Variants in ST8SIA2 observed in about 807,000 individuals in gnomAD.
ST8SIA2 encodes ST8 alpha-N-acetyl-neuraminide alpha-2,8-sialyltransferase 2.
A neutral mutation model predicts 37.6 loss-of-function variants in ST8SIA2; 22 were observed. That is an observed-to-expected ratio of 0.58 (90% CI 0.42 to 0.83). The LOEUF is 0.83. Ranked by LOEUF, ST8SIA2 falls within the 40% of genes least tolerant of loss-of-function variation. The pLI, the probability that ST8SIA2 is intolerant of heterozygous loss-of-function variation, is 0.00. For missense variants in ST8SIA2, 382 were observed against 484.7 expected (o/e 0.79, Z 1.99); for synonymous variants, 205 against 201.2 (o/e 1.02, Z -0.16).
At chr15:92,444,544 G>A in intron 4 of ST8SIA2, 92 bp from the exon 5 acceptor site, 2 of 1,528,564 alleles carry the variant, frequency 1.3e-6, no homozygotes, top group Non-Finnish European at 9.0e-7. Context: ...GGATGAGAAA[G>A]AAGCAAGGAG....
chr15:92,407,454 A>G (rs1301536968), intron 1 of ST8SIA2, among the ~76,000 whole-genome samples: 1 of 152,252 alleles, frequency 6.6e-6, no homozygotes, highest in Non-Finnish European at 1.5e-5. Flanking sequence ...ACTGGACAGC[A>G]AAGCGCTCAT....
chr15:92,462,781 C>A (rs2141853878), intron 5 of ST8SIA2, among the ~76,000 whole-genome samples: 1 of 152,296 alleles, frequency 6.6e-6, no homozygotes, highest in Non-Finnish European at 1.5e-5. Flanking sequence ...AAATGTCTTC[C>A]CACCAAGCCA....
chr15:92,416,801 A>G (rs1483281988), intron 1 of ST8SIA2, among the ~76,000 whole-genome samples: 1 of 152,022 alleles, frequency 6.6e-6, no homozygotes, highest in Non-Finnish European at 1.5e-5. Context: ...AGAAAAAAAA[A>G]TGCACATGTC....
At chr15:92,440,885 C>T (rs972182664) in intron 4 of ST8SIA2, among the ~76,000 whole-genome samples, 15 of 152,220 alleles carry the variant, frequency 9.9e-5, no homozygotes, top group African/African-American at 3.6e-4. Context: ...GTTTCTCCCA[C>T]ACAACAGGGA....
At position 92,467,208 on chromosome 15, in the gene ST8SIA2, C is replaced by A. The variant is rs2049998841; in HGVS notation, c.*2823C>A. On this transcript the variant is annotated 3_prime_UTR_variant, in exon 6 of 6. Transcript: ENST00000268164. ...GAAATGAGATCTACCCTGAAAATCT[C>A]TTCTCCTTCCCCTTTCTGAGAAACG... The A allele has an allele frequency of 6.5e-6, 1 of 153,176 alleles. No homozygotes were observed. The highest frequency in any genetic ancestry group is 2.4e-5 in the African/African-American group (1 of 41,420). The allele number at this position is 153,176 out of a possible 1,614,324, so 9.5% of individuals were successfully genotyped here.
intron 4 of ST8SIA2, among the ~76,000 whole-genome samples, chr15:92,440,254 G>A (rs181917456): frequency 6.6e-6 from 1 of 152,242 alleles, no homozygotes; most frequent in African/African-American, 2.4e-5. Flanking sequence ...CTGGCCTTGA[G>A]GTTCTTTCAT....
At chr15:92,407,181 G>A (rs1005292653) in intron 1 of ST8SIA2, among the ~76,000 whole-genome samples, 1 of 152,152 alleles carries the variant, frequency 6.6e-6, no homozygotes. Flanking sequence ...CAGATAGAGT[G>A]ACTGCTTAGG....
At chr15:92,441,786 A>G (rs528407271) in intron 4 of ST8SIA2, among the ~76,000 whole-genome samples, 1 of 152,312 alleles carries the variant, frequency 6.6e-6, no homozygotes, top group African/African-American at 2.4e-5. Context: ...GCTATTCTGT[A>G]TGGAGCACTC....
In ST8SIA2 at chr15:92,438,406, G is replaced by T; in HGVS notation, c.344G>T (p.Gly115Val). 6.2e-7 allele frequency: 1 copy of T among 1,614,226 alleles called. No homozygotes were observed. ...DAEKDISVLK[G>V]TLKPGDIIHY... ...GAAAAGGACATTTCTGTCCTAAAGG[G>T]AACCCTGAAGCCTGGAGATATTATT... is the stretch of plus-strand genomic sequence containing the variant. Residue 115 changes from glycine to valine, a missense_variant, in exon 4 of 6, where the codon GGA becomes GTA. Physicochemically the swap from Gly to Val is moderately radical, Grantham distance 109. Transcript: ENST00000268164.
chr15:92,394,956 G>C (rs913714740), intron 1 of ST8SIA2, among the ~76,000 whole-genome samples: 1 of 152,154 alleles, frequency 6.6e-6, no homozygotes, highest in Non-Finnish European at 1.5e-5. Flanking sequence ...TCCCGACCTC[G>C]CCAGAGGTAG....
chr15:92,397,121 G>A (rs187154168), intron 1 of ST8SIA2, among the ~76,000 whole-genome samples: 3 of 152,320 alleles, frequency 2.0e-5, no homozygotes, highest in Admixed American at 2.0e-4. Flanking sequence ...CCTGTGATCT[G>A]TTGGAAGGAA....
At chr15:92,456,429 G>A (rs1301711295) in intron 5 of ST8SIA2, among the ~76,000 whole-genome samples, 1 of 152,160 alleles carries the variant, frequency 6.6e-6, no homozygotes, top group Middle Eastern at 3.2e-3. Context: ...TGCCATGCTA[G>A]GATCTGGAGT....
chr15:92,436,298 G>A (rs2049758132), intron 3 of ST8SIA2, among the ~76,000 whole-genome samples: 2 of 151,714 alleles, frequency 1.3e-5, no homozygotes, highest in Non-Finnish European at 1.5e-5. Context: ...GCTACCCATG[G>A]TCCCCAATGT....
chr15:92,458,076 T>A (rs1333953439), intron 5 of ST8SIA2, among the ~76,000 whole-genome samples: 1 of 152,192 alleles, frequency 6.6e-6, no homozygotes, highest in Admixed American at 6.5e-5. Context: ...GCAACGGAAG[T>A]CAGGATAATC....
intron 4 of ST8SIA2, among the ~76,000 whole-genome samples, chr15:92,441,229 G>A (rs1380780629): frequency 6.6e-6 from 1 of 152,168 alleles, no homozygotes; most frequent in Admixed American, 6.5e-5. Context: ...CACATGGCAC[G>A]CAAAATGCAA....
chr15:92,461,266 C>A (rs1189777396), intron 5 of ST8SIA2, among the ~76,000 whole-genome samples: 1 of 152,110 alleles, frequency 6.6e-6, no homozygotes, highest in African/African-American at 2.4e-5. Context: ...GGGACTGGTA[C>A]CACCCCGCCC....
chr15:92,411,043 G>A (rs1045883995), intron 1 of ST8SIA2, among the ~76,000 whole-genome samples: 2 of 152,216 alleles, frequency 1.3e-5, no homozygotes, highest in South Asian at 2.1e-4. Flanking sequence ...AGAGGGCTTG[G>A]AGCCAGGCTG....
intron 1 of ST8SIA2, among the ~76,000 whole-genome samples, chr15:92,394,833 G>A (rs1345926901): frequency 6.6e-6 from 1 of 152,198 alleles, no homozygotes; most frequent in African/African-American, 2.4e-5. Context: ...CAACCCCGGC[G>A]ACCCTGGGTT....
At chr15:92,427,057 G>A (rs2049681589) in intron 1 of ST8SIA2, among the ~76,000 whole-genome samples, 1 of 152,200 alleles carries the variant, frequency 6.6e-6, no homozygotes, top group Admixed American at 6.5e-5. Flanking sequence ...TCAGGCCACT[G>A]CACTGTCCAG....
Sources: gnomAD v4.1 joint callset for allele counts (sites outside exome capture counted in the v4.1 genomes callset) on GRCh38, gnomAD v4.1.1 for gene constraint, MANE v1.5 for transcripts, NCBI Gene and HGNC (gene_info 2026-07-23, HGNC 2026-07-21) for gene names.